CWC27: variants seen among roughly 807,000 people sequenced by gnomAD.
CWC27 encodes spliceosome-associated protein CWC27 homolog.
In CWC27, 47 loss-of-function variants were observed where a neutral mutation model predicts 63.6. The ratio of observed to expected loss-of-function variants is 0.74; its 90% CI spans 0.58 to 0.94. The LOEUF (loss-of-function observed/expected upper bound fraction) is 0.94. Ranked by LOEUF, CWC27 falls within the 40% of genes least tolerant of loss-of-function variation. CWC27 has a pLI of 0.00. For synonymous variants in CWC27, 175 were observed against 179.8 expected (o/e 0.97, Z 0.22); for missense variants, 495 against 554.3 (o/e 0.89, Z 1.07).
At chr5:64,957,118 T>TA (rs975254615) in intron 11 of CWC27, among the ~76,000 whole-genome samples, 51 of 152,316 alleles carry the variant, frequency 3.3e-4, no homozygotes, top group African/African-American at 1.2e-3. Context: ...TTCTTATAAC[T>TA]ACTTGGAGAA....
intron 10 of CWC27, chr5:64,845,086 T>A (rs1287021053): frequency 6.6e-6 from 3 of 453,358 alleles, no homozygotes; most frequent in Non-Finnish European, 1.3e-5. Context: ...GCCCAGCCAC[T>A]GATCTCACCA....
chr5:64,949,172 A>T (rs1748652048), intron 11 of CWC27, among the ~76,000 whole-genome samples: 1 of 151,888 alleles, frequency 6.6e-6, no homozygotes, highest in African/African-American at 2.4e-5. Flanking sequence ...TACCTCAGGG[A>T]AATTGTTATT....
chr5:64,911,747 C>T (rs1431590275), intron 11 of CWC27, among the ~76,000 whole-genome samples: 1 of 152,106 alleles, frequency 6.6e-6, no homozygotes, highest in Non-Finnish European at 1.5e-5. Flanking sequence ...CTGGCTATCT[C>T]AAGGCTTTTC....
chr5:65,016,100 TGTCGAACA>T (rs1750043404), intron 13 of CWC27, among the ~76,000 whole-genome samples: 1 of 152,218 alleles, frequency 6.6e-6, no homozygotes. Context: ...ATACCATGGC[TGTCGAACA>T]GTCAGCCTTT....
In CWC27 at chr5:64,804,219, A is replaced by G. The variant is rs1321083689; in HGVS notation, c.781-10A>G. 2.5e-6 allele frequency: 4 copies of G among 1,580,740 alleles called. No individual in the cohort carries two copies. Among genetic ancestry groups the G allele is most frequent in the South Asian group, 1.2e-5 (1 of 85,804 alleles). On this transcript the variant is annotated splice_polypyrimidine_tract_variant and intron_variant, in intron 9 of 13. Transcript: ENST00000381070. The stretch of plus-strand genomic sequence containing the variant: ...AGCACCTGGCAAATACTCATTTTCC[A>G]TTTCTACAGGATGGAGAAGATGAAA...
chr5:65,010,625 G>A (rs1223359519), intron 13 of CWC27, among the ~76,000 whole-genome samples: 1 of 152,120 alleles, frequency 6.6e-6, no homozygotes, highest in East Asian at 1.9e-4. Flanking sequence ...AGAATGGCAA[G>A]GTCTTTTAAC....
At chr5:64,777,463 C>T (rs1289167321) in intron 2 of CWC27, among the ~76,000 whole-genome samples, 2 of 151,940 alleles carry the variant, frequency 1.3e-5, no homozygotes, top group Admixed American at 6.6e-5. Flanking sequence ...GAAGAAGAAA[C>T]GTATAACTAC....
At chr5:64,991,593 G>T (rs1041854080) in intron 13 of CWC27, among the ~76,000 whole-genome samples, 3 of 152,204 alleles carry the variant, frequency 2.0e-5, no homozygotes, top group Non-Finnish European at 4.4e-5. Flanking sequence ...AGGTGTGGTG[G>T]TGTGCATCTA....
At chr5:64,888,103 G>A (rs534185218) in intron 11 of CWC27, among the ~76,000 whole-genome samples, 1 of 151,994 alleles carries the variant, frequency 6.6e-6, no homozygotes, top group South Asian at 2.1e-4. Context: ...TTGCAGGTCT[G>A]GAGAACTGAA....
chr5:64,861,085 A>G (rs1746401905), intron 10 of CWC27, among the ~76,000 whole-genome samples: 1 of 152,102 alleles, frequency 6.6e-6, no homozygotes, highest in Non-Finnish European at 1.5e-5. Flanking sequence ...GTAGGGTCAT[A>G]TGTCTCAAGC....
At chr5:64,855,667 A>G (rs2112302942) in intron 10 of CWC27, among the ~76,000 whole-genome samples, 1 of 152,252 alleles carries the variant, frequency 6.6e-6, no homozygotes, top group South Asian at 2.1e-4. Context: ...TACTATTCCT[A>G]CTTAAATAAT....
chr5:64,842,602 T>A (rs1745874333), intron 10 of CWC27, among the ~76,000 whole-genome samples: 2 of 145,544 alleles, frequency 1.4e-5, no homozygotes, highest in Non-Finnish European at 3.0e-5. Context: ...GCTCCCAGCC[T>A]ATTTTTTTTT....
chr5:64,944,970 T>A (rs143337309), intron 11 of CWC27, among the ~76,000 whole-genome samples: 60 of 152,266 alleles, frequency 3.9e-4, no homozygotes, highest in African/African-American at 1.4e-3. Flanking sequence ...ACCTCTCTGA[T>A]CTCATCTCCT....
chr5:64,898,046 T>C (rs1170509370), intron 11 of CWC27, among the ~76,000 whole-genome samples: 1 of 152,180 alleles, frequency 6.6e-6, no homozygotes, highest in Non-Finnish European at 1.5e-5. Context: ...TTTGATATAA[T>C]GTACAAAAGG....
At position 64,999,149 on chromosome 5, in the gene CWC27, A is replaced by G. The variant is rs145954979; in HGVS notation, c.1257-19010A>G. Among the ~76,000 whole-genome samples the G allele has an allele frequency of 8.6e-3, 1,303 of 152,100 alleles. 11 individuals are homozygous for G. Among genetic ancestry groups the G allele is most frequent in the Middle Eastern group, 0.034 (10 of 294 alleles). ...CTTCATATGAGTTACTGTGATCTCTACTATCTACTTCATGTTGAAAAAAGA... is the reference window on the plus strand; with the variant it reads ...CTTCATATGAGTTACTGTGATCTCTGCTATCTACTTCATGTTGAAAAAAGA... On this transcript the variant is annotated intron_variant, in intron 13 of 13. Transcript: ENST00000381070.
At chr5:64,873,476 A>G (rs1405996568) in intron 10 of CWC27, among the ~76,000 whole-genome samples, 1 of 152,162 alleles carries the variant, frequency 6.6e-6, no homozygotes, top group Non-Finnish European at 1.5e-5. Flanking sequence ...AAGGTAGTGT[A>G]TATCTTCTTT....
intron 13 of CWC27, among the ~76,000 whole-genome samples, chr5:64,995,611 C>T (rs560838450): frequency 1.3e-5 from 2 of 151,962 alleles, no homozygotes; most frequent in African/African-American, 2.4e-5. Flanking sequence ...TGAATAATAC[C>T]GTGTTTCCCC....
At position 64,786,510 on chromosome 5, in the gene CWC27, A is replaced by G. The variant is rs761827503; in HGVS notation, c.496-14A>G. The G allele has an allele frequency of 1.4e-5, 20 of 1,461,956 alleles. No homozygotes were observed. Among genetic ancestry groups the G allele is most frequent in the Non-Finnish European group, 1.7e-5 (18 of 1,084,370 alleles). 90.6% of individuals were successfully genotyped at this position (1,461,956 alleles called of 1,614,324 possible). A position where few individuals can be genotyped will look rare whatever the true frequency, so the allele number is the denominator to read the frequency against. On this transcript the variant is annotated splice_polypyrimidine_tract_variant and intron_variant, in intron 5 of 13. Transcript: ENST00000381070. ...AAAAATGGAATAATGTTTTCGAAAT[A>G]TTTTTTTTCATAGGTTTTGTTTAAT...
intron 11 of CWC27, among the ~76,000 whole-genome samples, chr5:64,893,094 CGT>C (rs1254129507): frequency 6.6e-6 from 1 of 152,184 alleles, no homozygotes; most frequent in Non-Finnish European, 1.5e-5. Context: ...CGCACACACA[CGT>C]GTTTTATTGT....
Sources: allele counts gnomAD v4.1 joint callset (sites outside exome capture counted in the v4.1 genomes callset), GRCh38; gene constraint gnomAD v4.1.1; transcripts MANE v1.5; gene names NCBI Gene and HGNC (gene_info 2026-07-23, HGNC 2026-07-21).